The following NCAPD3 variants were observed in gnomAD, a reference collection of about 807,000 sequenced individuals.
NCAPD3 encodes the protein condensin-2 complex subunit D3.
In NCAPD3, 105 loss-of-function variants were observed where a neutral mutation model predicts 182.9. The observed-to-expected ratio is 0.57, with a 90% CI of 0.49 to 0.68. The LOEUF is 0.68. Among genes scored for constraint, NCAPD3 ranks in the 30% least tolerant of loss-of-function variants. NCAPD3 has a pLI of 0.00. For missense variants in NCAPD3, 1,944 were observed against 1,837.0 expected (o/e 1.06, Z -1.07); for synonymous variants, 815 against 679.9 (o/e 1.20, Z -3.09).
intron 3 of NCAPD3, among the ~76,000 whole-genome samples, chr11:134,213,608 G>A (rs1408974934): frequency 4.6e-5 from 7 of 150,572 alleles, no homozygotes; most frequent in African/African-American, 1.7e-4. Context: ...GTGAGCCACC[G>A]TGTGTGGCCT....
chr11:134,160,172 A>G lies in NCAPD3; in HGVS notation c.3685-98T>C, dbSNP rs757387964. 5.0e-5 allele frequency: 62 copies of G among 1,241,470 alleles called. 1 individual carries two copies. The Middle Eastern group carries it at 2.7e-3, about 54-fold the overall frequency. The allele number at this position is 1,241,470 out of a possible 1,614,324, so 76.9% of individuals were successfully genotyped here. On this transcript the variant is annotated intron_variant, in intron 28 of 34. Transcript: ENST00000534548. ...ACCTTCGCCTGTGTAACAAACCTGCACATCCTGCACGTGTACCCCTGAACG... is the reference window on the plus strand; with the variant it reads ...ACCTTCGCCTGTGTAACAAACCTGCGCATCCTGCACGTGTACCCCTGAACG...
Position 134,203,673 on chromosome 11 carries a change from G to A in NCAPD3, c.1449C>T (p.Ile483=). 1 of 1,613,256 alleles carries A rather than the reference G, an allele frequency of 6.2e-7. No homozygotes were observed. The highest frequency in any genetic ancestry group is 8.5e-7 in the Non-Finnish European group (1 of 1,180,024). The part of the protein sequence containing the change: ...ELTVTSASES[I]LELLINSPTF... The stretch of plus-strand genomic sequence containing the variant: ...ACTCACTGTTAATCAGGAGCTCCAG[G>A]ATACTCTCCGACGCACTGGTAACAG... The change falls in exon 11 of 35, where the codon ATC becomes ATT. Residue 483 remains isoleucine, a synonymous_variant. Coordinates refer to ENST00000534548, the MANE Select transcript of NCAPD3 (RefSeq NM_015261.3).
At position 134,159,888 on chromosome 11, in the gene NCAPD3, C is replaced by G; in HGVS notation, c.3867+4G>C. The G allele has an allele frequency of 6.2e-7, 1 of 1,611,170 alleles. No homozygotes were observed. The highest frequency in any genetic ancestry group is 8.5e-7 in the Non-Finnish European group (1 of 1,179,372). The stretch of plus-strand genomic sequence containing the variant: ...GGTCACAGTGCAGTGGGCCCCACAC[C>G]TACCTGTGCCACAGGTGCCACCTCA... On this transcript the variant is annotated splice_donor_region_variant and intron_variant, in intron 29 of 34. Transcript: ENST00000534548.
intron 24 of NCAPD3, among the ~76,000 whole-genome samples, chr11:134,174,140 C>T (rs977840264): frequency 3.9e-5 from 6 of 151,992 alleles, no homozygotes; most frequent in East Asian, 1.9e-4. Context: ...CCTGTAATTC[C>T]CACACTTTGG....
At position 134,177,270 on chromosome 11, in the gene NCAPD3, G is replaced by T; in HGVS notation, c.2970C>A (p.Ser990=). The T allele has an allele frequency of 6.2e-7, 1 of 1,614,182 alleles. No homozygotes were observed. The highest frequency in any genetic ancestry group is 8.5e-7 in the Non-Finnish European group (1 of 1,180,024). ...GTGTCTGCTTCCGGATGAATGGGTC[G>T]GAATCCTTCAGACACATGGAGATGT... ...IPNISMCLKD[S]DPFIRKQTLI... is the part of the protein sequence containing the mutation. Residue 990 remains serine, a synonymous_variant, in exon 23 of 35, where the codon TCC becomes TCA. Transcript: ENST00000534548.
rs1943318740 is a variant in NCAPD3 at position 134,153,377 on chromosome 11, A to C, written c.4253-14T>G. On this transcript the variant is annotated splice_polypyrimidine_tract_variant and intron_variant, in intron 32 of 34. Transcript: ENST00000534548. ...CACTGATGCTCTCTGCATAAAGAGG[A>C]GACACCACTGAGTGAAAGCCGCGTG... is the stretch of plus-strand genomic sequence containing the variant. 1.9e-6 allele frequency: 3 copies of C among 1,613,798 alleles called. No homozygotes were observed. The highest frequency in any genetic ancestry group is 2.5e-6 in the Non-Finnish European group (3 of 1,179,818).
chr11:134,224,147 G>C (rs1216932063), upstream of NCAPD3: 9 of 607,234 alleles, frequency 1.5e-5, no homozygotes, highest in African/African-American at 1.5e-4. Flanking sequence ...CAAGGCTCCT[G>C]CGGGTGTTCC....
At position 134,153,034 on chromosome 11, in the gene NCAPD3, C is replaced by T. The variant is rs767182522; in HGVS notation, c.4407G>A (p.Gln1469=). 9 of 1,599,820 alleles carry T rather than the reference C, an allele frequency of 5.6e-6. No homozygotes were observed. The highest frequency in any genetic ancestry group is 3.4e-6 in the Non-Finnish European group (4 of 1,170,816). Residue 1469 remains glutamine (Q), a synonymous_variant, in exon 35 of 35, where the codon CAG becomes CAA. Transcript: ENST00000534548. ...LPDKPPPQPQ[Q]WNVRSPARNK... is the part of the protein sequence containing the mutation. ...TCCTGGCGGGAGACCGCACATTCCA[C>T]TGCTGAGGCTGTGGGGGCCTAGGGA... is the stretch of plus-strand genomic sequence containing the variant.
chr11:134,163,883 AAAAAAAAAAG>A (rs1461339097), intron 27 of NCAPD3, among the ~76,000 whole-genome samples: 3 of 150,740 alleles, frequency 2.0e-5, no homozygotes, highest in Admixed American at 1.3e-4. Flanking sequence ...AAAAAAAAAA[AAAAAAAAAAG>A]AAAAAGAAAG....
rs746567914 is a variant in NCAPD3 at position 134,209,437 on chromosome 11, C to T, written c.608G>A (p.Cys203Tyr). 77 of 1,612,742 alleles carry T rather than the reference C, an allele frequency of 4.8e-5. No individual in the cohort carries two copies. Among genetic ancestry groups the T allele is most frequent in the Non-Finnish European group, 5.9e-5 (70 of 1,179,544 alleles). ...IIEEQEDENI[C>Y]FSARDLSQIR... ...TTGAGAAAGGTCCCGGGCAGAAAAA[C>T]AAATATTCTCATCTTCTTGTTCTTC... The change falls in exon 5 of 35, where the codon TGT (cysteine) becomes TAT (tyrosine). Residue 203 changes from cysteine to tyrosine, a missense_variant. Physicochemically the swap from Cys to Tyr is radical, Grantham distance 194. Transcript: ENST00000534548.
rs781258004 is a variant in NCAPD3, at chr11:134,168,937, G to T, written c.3219C>A (p.Asn1073Lys). 1.9e-6 allele frequency: 3 copies of T among 1,613,538 alleles called. No individual in the cohort carries two copies. The highest frequency in any genetic ancestry group is 2.5e-6 in the Non-Finnish European group (3 of 1,179,746). Residue 1073 changes from asparagine (N) to lysine (K), a missense_variant, in exon 25 of 35, where the codon AAC becomes AAA. Physicochemically the swap from Asn to Lys is moderately conservative, Grantham distance 94 (BLOSUM62 0). Transcript: ENST00000534548. ...CTGACCTCTCTGACTGGGGGAACTTGTTGTACTTCTCATGCTTCTCATAGT... is the reference window on the plus strand; with the variant it reads ...CTGACCTCTCTGACTGGGGGAACTTTTTGTACTTCTCATGCTTCTCATAGT... ...FNNYEKHEKY[N>K]KFPQSEREKR...
In NCAPD3 at chr11:134,223,847, G is replaced by A; in HGVS notation, c.64+16C>T. On this transcript the variant is annotated intron_variant, in intron 1 of 34. Coordinates refer to ENST00000534548, the MANE Select transcript of NCAPD3 (RefSeq NM_015261.3). ...CCTCGCCCTGGCCCCCGGGCCTCCC[G>A]GCTGCATCTGCTCACCGAGTCTAAG... The A allele has an allele frequency of 1.9e-6, 3 of 1,602,486 alleles. No individual in the cohort carries two copies. Among genetic ancestry groups the A allele is most frequent in the Non-Finnish European group, 2.6e-6 (3 of 1,174,296 alleles).
rs1415017968 is a variant in NCAPD3, at chr11:134,194,171, A to G, written c.1690-21T>C. On this transcript the variant is annotated intron_variant, in intron 14 of 34. Transcript: ENST00000534548. ...AATACCTAGAAGGCATAGACGCAAC[A>G]TGAACTGTTAACTGCATAGCATCAA... 4 of 1,610,820 alleles carry G rather than the reference A, an allele frequency of 2.5e-6. No individual in the cohort carries two copies. The Admixed American group carries it at 5.0e-5, about 20-fold the overall frequency.
intron 28 of NCAPD3, among the ~76,000 whole-genome samples, chr11:134,161,106 C>T (rs1036993101): frequency 3.3e-5 from 5 of 151,764 alleles, no homozygotes; most frequent in Admixed American, 2.6e-4. Flanking sequence ...TTTGTTGAGG[C>T]CTTTATTGGA....
At chr11:134,178,793 G>A in intron 21 of NCAPD3, 29 bp downstream of exon 21, 5 of 1,612,060 alleles carry the variant, frequency 3.1e-6, no homozygotes, top group East Asian at 2.2e-5. Context: ...CGGCATGCGT[G>A]CTACAGAGTA....
At position 134,171,370 on chromosome 11, in the gene NCAPD3, C is replaced by A. The variant is rs551200297; in HGVS notation, c.3102-2316G>T. ...CAGGATATTCAAACAGCCCAAAAGG[C>A]CACAAGGTAAGAGCCATGTGTCCAC... On this transcript the variant is annotated intron_variant, in intron 24 of 34. Coordinates refer to ENST00000534548, the MANE Select transcript of NCAPD3 (RefSeq NM_015261.3). Among the ~76,000 whole-genome samples the A allele has an allele frequency of 7.9e-5, 12 of 152,284 alleles. No homozygotes were observed. In the South Asian group the frequency reaches 2.5e-3, roughly 32 times the overall value.
Position 134,176,230 on chromosome 11 carries a change from C to A in NCAPD3, c.3101+77G>T. 5 of 1,361,250 alleles carry A rather than the reference C, an allele frequency of 3.7e-6. No individual in the cohort carries two copies. In the South Asian group the frequency reaches 6.2e-5, roughly 17 times the overall value. The allele number at this position is 1,361,250 out of a possible 1,614,324, so 84.3% of individuals were successfully genotyped here. On this transcript the variant is annotated intron_variant, in intron 24 of 34. Coordinates refer to ENST00000534548, the MANE Select transcript of NCAPD3 (RefSeq NM_015261.3). ...AAATCCTACTTAACTCTAAACCAATCTGAAAAAAAAAGAAATCCAGCATAC... is the reference window on the plus strand; with the variant it reads ...AAATCCTACTTAACTCTAAACCAATATGAAAAAAAAAGAAATCCAGCATAC...
At chr11:134,153,096 C>A in intron 34 of NCAPD3, 44 bp from the exon 35 acceptor site, 9 of 1,612,470 alleles carry the variant, frequency 5.6e-6, no homozygotes, top group Non-Finnish European at 7.6e-6. Context: ...TCAGAAAAAC[C>A]CTGACAGAAA....
At chr11:134,220,534 A>G (rs1938186064) in intron 2 of NCAPD3, 38 bp downstream of exon 2, 2 of 1,583,968 alleles carry the variant, frequency 1.3e-6, no homozygotes, top group East Asian at 4.5e-5. Flanking sequence ...TTCTACTTCT[A>G]ACACCAAACT....
Sources: allele counts gnomAD v4.1 joint callset (sites outside exome capture counted in the v4.1 genomes callset), GRCh38; gene constraint gnomAD v4.1.1; transcripts MANE v1.5; gene names NCBI Gene and HGNC (gene_info 2026-07-23, HGNC 2026-07-21).